BMAL1: variants seen among roughly 807,000 people sequenced by gnomAD.
The protein encoded by BMAL1 is basic helix-loop-helix ARNT like 1.
chr11:13,339,582 A>T, the BMAL1 span, among the ~76,000 whole-genome samples: 4 of 151,970 alleles, frequency 2.6e-5, no homozygotes, highest in African/African-American at 7.3e-5. Flanking sequence ...TGGCCCTCTG[A>T]CTGCACCCCT....
At chr11:13,374,874 G>A in the BMAL1 span, among the ~76,000 whole-genome samples, 1 of 152,162 alleles carries the variant, frequency 6.6e-6, no homozygotes, top group African/African-American at 2.4e-5. Context: ...TCAAATGTGA[G>A]ACCTTCCACC....
chr11:13,362,991 G>A, the BMAL1 span, among the ~76,000 whole-genome samples: 4 of 151,340 alleles, frequency 2.6e-5, no homozygotes, highest in African/African-American at 7.3e-5. Flanking sequence ...TCATTCTTGC[G>A]TATTCATGAA....
chr11:13,313,505 C>T, the BMAL1 span, among the ~76,000 whole-genome samples: 1 of 152,116 alleles, frequency 6.6e-6, no homozygotes, highest in Non-Finnish European at 1.5e-5. Context: ...CTGCTTGGTC[C>T]ACGCCCCTCA....
the BMAL1 span, among the ~76,000 whole-genome samples, chr11:13,291,549 G>A: frequency 0.95 from 145,173 of 152,286 alleles, 69,295 homozygotes; most frequent in East Asian, 1. Flanking sequence ...ATTGCTTAGA[G>A]TTTAAGCAAC....
the BMAL1 span, among the ~76,000 whole-genome samples, chr11:13,367,517 A>G: frequency 6.6e-6 from 1 of 152,122 alleles, no homozygotes; most frequent in Non-Finnish European, 1.5e-5. Flanking sequence ...CCTGGCCAAC[A>G]TGGCAAAACC....
At chr11:13,372,291 A>G in the BMAL1 span, 2 of 1,614,182 alleles carry the variant, frequency 1.2e-6, no homozygotes, top group Non-Finnish European at 1.7e-6. Context: ...CCTCGTCGCA[A>G]TTGGACGACT....
At chr11:13,345,568 T>C in the BMAL1 span, among the ~76,000 whole-genome samples, 1 of 152,218 alleles carries the variant, frequency 6.6e-6, no homozygotes, top group Non-Finnish European at 1.5e-5. Context: ...CTTTTGTCTC[T>C]GTATTATACT....
At chr11:13,373,697 C>T in the BMAL1 span, among the ~76,000 whole-genome samples, 1,222 of 152,246 alleles carry the variant, frequency 8.0e-3, 20 homozygotes, top group African/African-American at 0.027. Flanking sequence ...TTGGTAAAGA[C>T]AGGGTTTCAC....
chr11:13,379,296 C>T, the BMAL1 span: 7 of 152,168 alleles, frequency 4.6e-5, no homozygotes, highest in Non-Finnish European at 7.3e-5. Context: ...TTCTTCAGAA[C>T]GAAACTTAAT....
At chr11:13,383,602 A>T in the BMAL1 span, among the ~76,000 whole-genome samples, 1 of 152,152 alleles carries the variant, frequency 6.6e-6, no homozygotes, top group Non-Finnish European at 1.5e-5. Flanking sequence ...TAATCTCAGC[A>T]CTCTGGGAAG....
chr11:13,348,758 A>G, the BMAL1 span, among the ~76,000 whole-genome samples: 2 of 152,222 alleles, frequency 1.3e-5, no homozygotes, highest in African/African-American at 4.8e-5. Flanking sequence ...GGTTAACAGA[A>G]TCGGACAGTG....
At chr11:13,277,073 G>GT in the BMAL1 span, 1 of 152,274 alleles carries the variant, frequency 6.6e-6, no homozygotes, top group Non-Finnish European at 1.5e-5. Context: ...CGCAAAGAAC[G>GT]TGAGAACACT....
chr11:13,321,573 T>C, the BMAL1 span, among the ~76,000 whole-genome samples: 1 of 152,142 alleles, frequency 6.6e-6, no homozygotes, highest in East Asian at 1.9e-4. Flanking sequence ...TGTCTGAACA[T>C]ATGAGAACAC....
the BMAL1 span, chr11:13,356,704 T>C: frequency 6.2e-7 from 1 of 1,612,972 alleles, no homozygotes; most frequent in Non-Finnish European, 8.5e-7. Flanking sequence ...TATGTCTTTA[T>C]TAACATGCAG....
chr11:13,280,813 C>G, the BMAL1 span, among the ~76,000 whole-genome samples: 2 of 152,190 alleles, frequency 1.3e-5, no homozygotes, highest in Admixed American at 6.5e-5. Flanking sequence ...ACTTCCCACC[C>G]AAAATGTCCT....
the BMAL1 span, among the ~76,000 whole-genome samples, chr11:13,381,803 T>TA: frequency 3.9e-5 from 6 of 152,322 alleles, no homozygotes; most frequent in East Asian, 5.8e-4. Flanking sequence ...AAGACTACAC[T>TA]ATAAATAGGT....
chr11:13,282,687 T>C, the BMAL1 span, among the ~76,000 whole-genome samples: 7 of 152,258 alleles, frequency 4.6e-5, no homozygotes, highest in South Asian at 2.1e-4. Context: ...AATGTCCACA[T>C]TGATTTTTCT....
chr11:13,376,715 G>C, the BMAL1 span: 1 of 1,613,778 alleles, frequency 6.2e-7, no homozygotes, highest in Non-Finnish European at 8.5e-7. Flanking sequence ...ACAGCATGCT[G>C]CCCTCTGGAG....
chr11:13,288,531 A>G, the BMAL1 span, among the ~76,000 whole-genome samples: 1 of 150,180 alleles, frequency 6.7e-6, no homozygotes, highest in East Asian at 1.9e-4. Flanking sequence ...AGTTGGGGAA[A>G]CTCAGTGAGG....
Sources: allele counts gnomAD v4.1 joint callset (sites outside exome capture counted in the v4.1 genomes callset), GRCh38; gene constraint gnomAD v4.1.1; transcripts MANE v1.5; gene names NCBI Gene and HGNC (gene_info 2026-07-23, HGNC 2026-07-21).